Variants in UBE2G1 observed in about 807,000 individuals in gnomAD.
UBE2G1 encodes ubiquitin conjugating enzyme E2 G1, also known as ubiquitin-conjugating enzyme E2 G1.
Under a neutral mutation model 22.7 loss-of-function variants are expected in UBE2G1, and 5 were observed. The ratio of observed to expected loss-of-function variants is 0.22; its 90% CI spans 0.12 to 0.46. The LOEUF (loss-of-function observed/expected upper bound fraction) is 0.46. Among genes scored for constraint, UBE2G1 ranks in the 20% least tolerant of loss-of-function variants. The pLI is 0.99. For missense variants in UBE2G1, 88 were observed against 203.9 expected, an observed-to-expected ratio of 0.43 and a Z score of 3.46; for synonymous variants, 74 against 67.5, an observed-to-expected ratio of 1.10 and a Z score of -0.47.
At chr17:4,358,546 T>A (rs1969932797) in intron 1 of UBE2G1, among the ~76,000 whole-genome samples, 1 of 152,224 alleles carries the variant, frequency 6.6e-6, no homozygotes, top group African/African-American at 2.4e-5. Context: ...TTCCAGTTTG[T>A]AGCTTGTCTT....
intron 1 of UBE2G1, among the ~76,000 whole-genome samples, chr17:4,357,241 A>T (rs888107905): frequency 2.0e-5 from 3 of 152,130 alleles, no homozygotes; most frequent in Non-Finnish European, 2.9e-5. Context: ...CCTGGTTTCA[A>T]GTAACCCTTA....
intron 1 of UBE2G1, among the ~76,000 whole-genome samples, chr17:4,362,736 T>C (rs1969983044): frequency 6.6e-6 from 1 of 152,172 alleles, no homozygotes; most frequent in Non-Finnish European, 1.5e-5. Context: ...AGTACATGCC[T>C]GTAATCTCAG....
chr17:4,325,051 T>A (rs1380469348), intron 1 of UBE2G1, among the ~76,000 whole-genome samples: 1 of 151,442 alleles, frequency 6.6e-6, no homozygotes. Context: ...CACTCCAGCC[T>A]GGGGGACAGA....
intron 1 of UBE2G1, among the ~76,000 whole-genome samples, chr17:4,360,900 G>A (rs1261401858): frequency 2.6e-5 from 4 of 151,454 alleles, no homozygotes. Context: ...CAACAAGAGT[G>A]AAGCTCCGTC....
chr17:4,363,486 C>CA (rs955505216), intron 1 of UBE2G1, among the ~76,000 whole-genome samples: 2 of 151,656 alleles, frequency 1.3e-5, no homozygotes, highest in East Asian at 3.9e-4. Flanking sequence ...TATACATTGT[C>CA]AAAAAAAAGT....
At chr17:4,312,695 C>CAAAAA (rs58462791) in intron 1 of UBE2G1, among the ~76,000 whole-genome samples, 58 of 76,748 alleles carry the variant, frequency 7.6e-4, no homozygotes, top group Middle Eastern at 9.8e-3. Context: ...GACTCCATCT[C>CAAAAA]AAAAAAAAAA....
intron 1 of UBE2G1, among the ~76,000 whole-genome samples, chr17:4,349,705 T>C (rs544474716): frequency 6.6e-6 from 1 of 151,854 alleles, no homozygotes; most frequent in East Asian, 1.9e-4. Context: ...TAGCCGGGCG[T>C]GGTGGCATGC....
rs57051928 is a variant in UBE2G1, at chr17:4,330,976, C to CCACACACACACACACACACACACA, written c.47-23877_47-23854dup. Among the ~76,000 whole-genome samples the CCACACACACACACACACACACACA allele has an allele frequency of 7.9e-4, 113 of 143,664 alleles. 1 individual carries two copies. Among genetic ancestry groups the CCACACACACACACACACACACACA allele is most frequent in the African/African-American group, 2.9e-3 (108 of 37,688 alleles). The allele number at this position is 143,664 out of a possible 152,430, so 94.2% of individuals were successfully genotyped here. A position where few individuals can be genotyped will look rare whatever the true frequency, so the allele number is the denominator to read the frequency against. ...TAATTACTCTTATAAACCTTTAAAA[C>CCACACACACACACACACACACACA]CACACACACACACACACACACACAC... On this transcript the variant is annotated intron_variant, in intron 1 of 5. Coordinates refer to ENST00000396981, the MANE Select transcript of UBE2G1 (RefSeq NM_003342.5).
Position 4,307,178 on chromosome 17 carries a change from T to C in UBE2G1, c.47-55A>G, listed in dbSNP as rs1256891753. On this transcript the variant is annotated intron_variant, in intron 1 of 5. Coordinates refer to ENST00000396981, the MANE Select transcript of UBE2G1 (RefSeq NM_003342.5). ...ATTTAAGCACATAATTTGCATCCAGTAGATAAATTACAGAACTTGAGCGTA... is the reference window on the plus strand; with the variant it reads ...ATTTAAGCACATAATTTGCATCCAGCAGATAAATTACAGAACTTGAGCGTA... 20 of 1,421,020 alleles carry C rather than the reference T, an allele frequency of 1.4e-5. 1 individual carries two copies. The highest frequency in any genetic ancestry group is 5.8e-5 in the South Asian group (5 of 86,752). 88.0% of individuals were successfully genotyped at this position (1,421,020 alleles called of 1,614,324 possible).
chr17:4,328,406 C>T (rs185247768), intron 1 of UBE2G1, among the ~76,000 whole-genome samples: 17 of 152,306 alleles, frequency 1.1e-4, no homozygotes, highest in Admixed American at 2.6e-4. Flanking sequence ...AAAAGTTCTT[C>T]CCTTGGGTGA....
At chr17:4,313,786 C>A (rs1196179786) in intron 1 of UBE2G1, among the ~76,000 whole-genome samples, 1 of 152,118 alleles carries the variant, frequency 6.6e-6, no homozygotes, top group South Asian at 2.1e-4. Context: ...CTCAGTAAAT[C>A]CTGGAGTATC....
chr17:4,344,751 C>G (rs1480943975), intron 1 of UBE2G1, among the ~76,000 whole-genome samples: 2 of 152,042 alleles, frequency 1.3e-5, no homozygotes, highest in Admixed American at 6.6e-5. Flanking sequence ...GTCCTAGCTA[C>G]ATGGGAGGCT....
At chr17:4,284,549 C>T (rs1018442747) in intron 4 of UBE2G1, among the ~76,000 whole-genome samples, 1 of 151,346 alleles carries the variant, frequency 6.6e-6, no homozygotes, top group East Asian at 1.9e-4. Flanking sequence ...TGCAGTGAGC[C>T]GAGATCATGC....
rs534370715 is a variant in UBE2G1 at position 4,283,704 on chromosome 17, A to T, written c.427-783T>A. 3.3e-3 allele frequency among the ~76,000 whole-genome samples: 505 copies of T among 152,276 alleles called. 4 individuals carry two copies. The highest frequency in any genetic ancestry group is 0.021 in the South Asian group (103 of 4,816). ...TGCCTGACATACAAAAATGGAACAG[A>T]ACAGTGGGGTAATGAAGGGAGGGGA... On this transcript the variant is annotated intron_variant, in intron 4 of 5. Transcript: ENST00000396981.
chr17:4,331,767 T>C (rs773991331), intron 1 of UBE2G1: 5 of 152,130 alleles, frequency 3.3e-5, no homozygotes, highest in Non-Finnish European at 7.3e-5. Flanking sequence ...GAGAGCAGAA[T>C]ACTCACAGAG....
intron 1 of UBE2G1, among the ~76,000 whole-genome samples, chr17:4,357,351 T>G (rs1969917390): frequency 6.6e-6 from 1 of 152,058 alleles, no homozygotes; most frequent in Admixed American, 6.6e-5. Flanking sequence ...ATAAATTAAA[T>G]CCTATCATAG....
intron 1 of UBE2G1, among the ~76,000 whole-genome samples, chr17:4,310,407 G>T (rs979656839): frequency 6.6e-6 from 1 of 152,168 alleles, no homozygotes; most frequent in East Asian, 1.9e-4. Flanking sequence ...ATAAGAAAAG[G>T]CTTCTAAAAA....
intron 3 of UBE2G1, among the ~76,000 whole-genome samples, chr17:4,293,793 T>C (rs1235752467): frequency 6.6e-6 from 1 of 152,230 alleles, no homozygotes; most frequent in Non-Finnish European, 1.5e-5. Context: ...CTCTTACTTC[T>C]CCTTTACCAT....
At chr17:4,363,950 CAAAAAA>C (rs1195720643) in intron 1 of UBE2G1, among the ~76,000 whole-genome samples, 13,315 of 42,660 alleles carry the variant, frequency 0.31, 924 homozygotes, top group African/African-American at 0.34. Flanking sequence ...GACTCCGTCT[CAAAAAA>C]AAAAAAAAAA....
Sources: gnomAD v4.1 joint callset for allele counts (sites outside exome capture counted in the v4.1 genomes callset) on GRCh38, gnomAD v4.1.1 for gene constraint, MANE v1.5 for transcripts, NCBI Gene and HGNC (gene_info 2026-07-23, HGNC 2026-07-21) for gene names.